Variants in ZNF385D observed in about 807,000 individuals in gnomAD.
The protein encoded by ZNF385D is zinc finger protein 659.
ZNF385D carries 15 observed loss-of-function variants against 35.8 expected under a neutral mutation model. The observed-to-expected ratio is 0.42, with a 90% CI of 0.28 to 0.64. ZNF385D has a LOEUF of 0.64. Among genes scored for constraint, ZNF385D ranks in the 30% least tolerant of loss-of-function variants. ZNF385D has a pLI of 0.23. For missense variants in ZNF385D, 474 were observed against 494.6 expected (o/e 0.96, Z 0.39); for synonymous variants, 212 against 186.8 (o/e 1.13, Z -1.10).
chr3:21,848,379 G>C (rs1226224341), intron 3 of ZNF385D, among the ~76,000 whole-genome samples: 1 of 151,714 alleles, frequency 6.6e-6, no homozygotes, highest in Non-Finnish European at 1.5e-5. Context: ...AGGATTTCTG[G>C]AGTATGTGGT....
chr3:22,003,341 G>A (rs924336671), intron 3 of ZNF385D, among the ~76,000 whole-genome samples: 2 of 151,942 alleles, frequency 1.3e-5, no homozygotes, highest in African/African-American at 2.4e-5. Flanking sequence ...TGCAAAAAAA[G>A]CATAATTCCT....
intron 1 of ZNF385D, among the ~76,000 whole-genome samples, chr3:21,727,983 G>T (rs1395972611): frequency 2.0e-5 from 3 of 152,082 alleles, no homozygotes; most frequent in Admixed American, 6.5e-5. Context: ...CATGTCCTTT[G>T]CAGGGACATG....
At chr3:22,174,899 C>A (rs909785775) in intron 2 of ZNF385D, among the ~76,000 whole-genome samples, 1 of 151,932 alleles carries the variant, frequency 6.6e-6, no homozygotes, top group Admixed American at 6.6e-5. Context: ...AAAATAACTT[C>A]ATTGAAAAAA....
chr3:22,138,408 T>C (rs932255122), intron 3 of ZNF385D, among the ~76,000 whole-genome samples: 1 of 152,144 alleles, frequency 6.6e-6, no homozygotes, highest in African/African-American at 2.4e-5. Flanking sequence ...ACTACCTGAC[T>C]TCAAACTATA....
intron 3 of ZNF385D, among the ~76,000 whole-genome samples, chr3:21,551,474 A>G (rs1458403629): frequency 6.6e-6 from 1 of 152,206 alleles, no homozygotes; most frequent in Non-Finnish European, 1.5e-5. Context: ...AGATGCTACA[A>G]TCTTATATAT....
At chr3:21,578,615 G>A (rs1405583689) in intron 2 of ZNF385D, among the ~76,000 whole-genome samples, 1 of 151,956 alleles carries the variant, frequency 6.6e-6, no homozygotes, top group Non-Finnish European at 1.5e-5. Context: ...TATGTTCTTG[G>A]TGCCTTTGTC....
intron 1 of ZNF385D, among the ~76,000 whole-genome samples, chr3:21,681,226 C>G (rs13324265): frequency 1.6e-5 from 2 of 124,004 alleles, no homozygotes; most frequent in Non-Finnish European, 3.2e-5. Context: ...GGTAAACCTT[C>G]TGACAAAAAA....
chr3:22,146,986 A>C (rs908510465), intron 3 of ZNF385D, among the ~76,000 whole-genome samples: 5 of 152,216 alleles, frequency 3.3e-5, no homozygotes, highest in Admixed American at 1.3e-4. Context: ...TAATCAAACG[A>C]AACAAAATTT....
intron 2 of ZNF385D, among the ~76,000 whole-genome samples, chr3:22,316,934 G>A (rs1467134916): frequency 6.6e-6 from 1 of 151,900 alleles, no homozygotes; most frequent in African/African-American, 2.4e-5. Context: ...GCAGGAAGGG[G>A]CTCAGTCTGG....
intron 2 of ZNF385D, among the ~76,000 whole-genome samples, chr3:22,210,465 A>G (rs1022117056): frequency 6.6e-6 from 1 of 151,874 alleles, no homozygotes; most frequent in Admixed American, 6.6e-5. Flanking sequence ...CTGACCATCT[A>G]AAGAATCCAT....
At chr3:21,706,165 C>A (rs1445947028) in intron 1 of ZNF385D, among the ~76,000 whole-genome samples, 1 of 151,934 alleles carries the variant, frequency 6.6e-6, no homozygotes, top group Non-Finnish European at 1.5e-5. Context: ...TCTCAAAGGA[C>A]AAAAACAGAA....
intron 3 of ZNF385D, among the ~76,000 whole-genome samples, chr3:22,167,829 TAACTA>T (rs1706435333): frequency 6.6e-6 from 1 of 152,180 alleles, no homozygotes; most frequent in Non-Finnish European, 1.5e-5. Context: ...CATCTATAAT[TAACTA>T]AACGTCATAC....
At chr3:22,297,612 T>C (rs1037223886) in intron 2 of ZNF385D, among the ~76,000 whole-genome samples, 15 of 152,216 alleles carry the variant, frequency 9.9e-5, no homozygotes, top group African/African-American at 2.9e-4. Context: ...AATAGTTGTC[T>C]AGAGGAGTGG....
At chr3:21,545,981 C>T (rs187449107) in intron 3 of ZNF385D, among the ~76,000 whole-genome samples, 1 of 152,218 alleles carries the variant, frequency 6.6e-6, no homozygotes, top group East Asian at 1.9e-4. Flanking sequence ...ATACAAAAGG[C>T]CTTTGTAGAA....
At chr3:21,779,091 A>G (rs1295616794) in intron 3 of ZNF385D, among the ~76,000 whole-genome samples, 1 of 151,926 alleles carries the variant, frequency 6.6e-6, no homozygotes, top group Non-Finnish European at 1.5e-5. Context: ...AGGTGGCAAA[A>G]ATCAACCACA....
At chr3:22,065,950 C>A (rs1274648963) in intron 3 of ZNF385D, among the ~76,000 whole-genome samples, 1 of 152,010 alleles carries the variant, frequency 6.6e-6, no homozygotes. Flanking sequence ...AGAACAGTAT[C>A]TGAGGCTCAG....
chr3:22,145,832 A>G (rs1704815457), intron 3 of ZNF385D, among the ~76,000 whole-genome samples: 1 of 152,214 alleles, frequency 6.6e-6, no homozygotes, highest in Non-Finnish European at 1.5e-5. Context: ...TGTCTTAGCC[A>G]CTGATCACTC....
rs61226426 is a variant in ZNF385D at position 21,757,120 on chromosome 3, C to CTTTTTTTTTT, written c.326-92102_326-92093dup. Among the ~76,000 whole-genome samples the CTTTTTTTTTT allele has an allele frequency of 9.4e-3, 1,002 of 106,374 alleles. 4 individuals are homozygous for CTTTTTTTTTT. Among genetic ancestry groups the CTTTTTTTTTT allele is most frequent in the Non-Finnish European group, 0.012 (649 of 55,636 alleles). The allele number at this position is 106,374 out of a possible 152,430, so 69.8% of individuals were successfully genotyped here. A position where few individuals can be genotyped will look rare whatever the true frequency, so the allele number is the denominator to read the frequency against. On this transcript the variant is annotated intron_variant, in intron 3 of 5. Transcript: ENST00000494108. ...CTTTGGAGACATATGATAAATTTCT[C>CTTTTTTTTTT]TTTTTTTTTTTTTTTTTTTGTTTTC...
At chr3:21,529,172 A>G (rs1213472552) in intron 3 of ZNF385D, among the ~76,000 whole-genome samples, 1 of 152,114 alleles carries the variant, frequency 6.6e-6, no homozygotes, top group African/African-American at 2.4e-5. Context: ...AGTTTCTCAA[A>G]TGTTCCACCT....
Sources: allele counts gnomAD v4.1 joint callset (sites outside exome capture counted in the v4.1 genomes callset), GRCh38; gene constraint gnomAD v4.1.1; transcripts MANE v1.5; gene names NCBI Gene and HGNC (gene_info 2026-07-23, HGNC 2026-07-21).